PTPRG: variants seen among roughly 807,000 people sequenced by gnomAD.
PTPRG encodes protein tyrosine phosphatase receptor type G.
In PTPRG, 102 loss-of-function variants were observed where a neutral mutation model predicts 165.3. The observed-to-expected ratio is 0.62, with a 90% CI of 0.53 to 0.73. The LOEUF (loss-of-function observed/expected upper bound fraction) is 0.73. Ranked by LOEUF, PTPRG falls within the 30% of genes least tolerant of loss-of-function variation. The probability of loss-of-function intolerance (pLI) is 0.00; values close to 1 mark genes in which losing one functional copy is unlikely to be tolerated. For missense variants in PTPRG, 1,866 were observed against 1,861.4 expected (o/e 1.00, Z -0.05); for synonymous variants, 675 against 669.5 (o/e 1.01, Z -0.13).
At chr3:62,243,226 G>A (rs1318770563) in intron 14 of PTPRG, among the ~76,000 whole-genome samples, 1 of 151,950 alleles carries the variant, frequency 6.6e-6, no homozygotes, top group Non-Finnish European at 1.5e-5. Context: ...CAGATGACAC[G>A]TAAGGGCTTC....
chr3:61,671,794 T>G (rs111431928), intron 1 of PTPRG, among the ~76,000 whole-genome samples: 4 of 63,950 alleles, frequency 6.3e-5, no homozygotes, highest in Admixed American at 1.6e-4. Context: ...CCCTCCCGGA[T>G]GGGGCGGCTG....
At chr3:61,803,742 A>G (rs192998242) in intron 2 of PTPRG, among the ~76,000 whole-genome samples, 13 of 152,308 alleles carry the variant, frequency 8.5e-5, no homozygotes, top group Non-Finnish European at 1.9e-4. Flanking sequence ...ACTAGCTTTC[A>G]GGTGCTCAAA....
At chr3:61,620,163 G>A (rs998112414) in intron 1 of PTPRG, among the ~76,000 whole-genome samples, 5 of 152,026 alleles carry the variant, frequency 3.3e-5, no homozygotes, top group Admixed American at 2.0e-4. Flanking sequence ...GTGACTGGAC[G>A]AATAAGGGAG....
intron 5 of PTPRG, among the ~76,000 whole-genome samples, chr3:62,112,195 C>T (rs1357766080): frequency 6.6e-6 from 1 of 152,074 alleles, no homozygotes; most frequent in African/African-American, 2.4e-5. Context: ...ACCTCTGCCT[C>T]CCAGATTCAA....
At chr3:61,694,625 C>T (rs913225602) in intron 1 of PTPRG, among the ~76,000 whole-genome samples, 1 of 152,064 alleles carries the variant, frequency 6.6e-6, no homozygotes. Flanking sequence ...ATTGCAGCAA[C>T]GATTGGAATA....
chr3:62,079,501 T>G (rs895872553), intron 5 of PTPRG, among the ~76,000 whole-genome samples: 4 of 152,180 alleles, frequency 2.6e-5, no homozygotes, highest in Admixed American at 6.5e-5. Flanking sequence ...ATAGTAAAGG[T>G]AAATGTATTT....
At chr3:61,617,064 C>A (rs1701317826) in intron 1 of PTPRG, among the ~76,000 whole-genome samples, 2 of 152,180 alleles carry the variant, frequency 1.3e-5, no homozygotes, top group Admixed American at 6.5e-5. Flanking sequence ...CTAGCTGCAT[C>A]CCTGCCCTTG....
chr3:62,179,378 C>T (rs1705563338), intron 8 of PTPRG, among the ~76,000 whole-genome samples: 1 of 152,188 alleles, frequency 6.6e-6, no homozygotes. Flanking sequence ...AGTATCTTGG[C>T]TGTCACATTT....
intron 2 of PTPRG, among the ~76,000 whole-genome samples, chr3:61,831,994 T>G (rs1389398421): frequency 6.6e-6 from 1 of 152,240 alleles, no homozygotes; most frequent in Non-Finnish European, 1.5e-5. Context: ...TGTAATATTT[T>G]AAAAATGTTT....
rs115342234 is a variant in PTPRG at position 61,997,940 on chromosome 3, A to G, written c.371-5409A>G. ...CTGGGGATCCCATCATTAGGGTCCA[A>G]TAATGGTAGGCTTTTTTTTCTACCT... On this transcript the variant is annotated intron_variant, in intron 3 of 29. Coordinates refer to ENST00000474889, the MANE Select transcript of PTPRG (RefSeq NM_002841.4). 5.1e-3 allele frequency among the ~76,000 whole-genome samples: 769 copies of G among 152,258 alleles called. 8 individuals carry two copies. Among genetic ancestry groups the G allele is most frequent in the African/African-American group, 0.015 (616 of 41,554 alleles).
At chr3:62,006,961 A>C (rs1173485631) in intron 4 of PTPRG, among the ~76,000 whole-genome samples, 2 of 152,180 alleles carry the variant, frequency 1.3e-5, no homozygotes, top group East Asian at 1.9e-4. Context: ...CATTTGAATA[A>C]AGAGGACTTG....
chr3:61,577,841 T>C (rs1404791741), intron 1 of PTPRG, among the ~76,000 whole-genome samples: 2 of 152,214 alleles, frequency 1.3e-5, no homozygotes, highest in Non-Finnish European at 2.9e-5. Context: ...ACTCTTGTAA[T>C]TGATGGAGAA....
At chr3:62,061,505 C>T (rs1426599905) in intron 4 of PTPRG, among the ~76,000 whole-genome samples, 3 of 152,130 alleles carry the variant, frequency 2.0e-5, no homozygotes, top group Non-Finnish European at 4.4e-5. Flanking sequence ...TTCCAAATTA[C>T]TAACTTCCCT....
chr3:61,811,188 G>T (rs1380674370), intron 2 of PTPRG, among the ~76,000 whole-genome samples: 1 of 152,010 alleles, frequency 6.6e-6, no homozygotes. Context: ...GGAATGTCAT[G>T]GAAGGCCCAT....
chr3:61,617,201 G>T (rs1485398919), intron 1 of PTPRG, among the ~76,000 whole-genome samples: 1 of 152,218 alleles, frequency 6.6e-6, no homozygotes, highest in Non-Finnish European at 1.5e-5. Flanking sequence ...CTGCAAAGTT[G>T]CCTGTAGAAG....
At chr3:61,979,913 T>C (rs1311715190) in intron 2 of PTPRG, among the ~76,000 whole-genome samples, 1 of 152,158 alleles carries the variant, frequency 6.6e-6, no homozygotes, top group Non-Finnish European at 1.5e-5. Flanking sequence ...GAGTGCCTTG[T>C]AAAACTGCTT....
chr3:61,563,044 G>C (rs1017089876), intron 1 of PTPRG, among the ~76,000 whole-genome samples: 1 of 152,024 alleles, frequency 6.6e-6, no homozygotes, highest in Non-Finnish European at 1.5e-5. Context: ...GGCGGTTTCG[G>C]AGAGATCCGT....
At chr3:62,282,389 A>AT (rs141570014) in intron 27 of PTPRG, among the ~76,000 whole-genome samples, 1,449 of 143,636 alleles carry the variant, frequency 0.01, 9 homozygotes, top group East Asian at 0.018. Flanking sequence ...TGACTAGTTA[A>AT]TTTTTTTTTT....
At chr3:62,212,126 G>A (rs977686430) in intron 12 of PTPRG, among the ~76,000 whole-genome samples, 3 of 152,104 alleles carry the variant, frequency 2.0e-5, no homozygotes, top group African/African-American at 7.2e-5. Flanking sequence ...GAGAGGGTTC[G>A]TTAGCATTTT....
Sources: gnomAD v4.1 joint callset for allele counts (sites outside exome capture counted in the v4.1 genomes callset) on GRCh38, gnomAD v4.1.1 for gene constraint, MANE v1.5 for transcripts, NCBI Gene and HGNC (gene_info 2026-07-23, HGNC 2026-07-21) for gene names.